PAAF1: variants seen among roughly 807,000 people sequenced by gnomAD.
PAAF1 encodes the protein proteasomal ATPase associated factor 1.
A neutral mutation model predicts 52.8 loss-of-function variants in PAAF1; 46 were observed. That is an observed-to-expected ratio of 0.87 (90% CI 0.69 to 1.11). The LOEUF is 1.11. Ranked by LOEUF, PAAF1 falls within the 50% of genes most tolerant of loss-of-function variation. The probability of loss-of-function intolerance (pLI) is 0.00; values close to 1 mark genes in which losing one functional copy is unlikely to be tolerated. For missense variants in PAAF1, 424 were observed against 477.4 expected (o/e 0.89, Z 1.04); for synonymous variants, 178 against 172.8 (o/e 1.03, Z -0.24).
chr11:73,882,431 T>TA (rs1948940549), intron 2 of PAAF1, among the ~76,000 whole-genome samples: 1 of 151,218 alleles, frequency 6.6e-6, no homozygotes, highest in Non-Finnish European at 1.5e-5. Flanking sequence ...TTATTTTTAT[T>TA]TTTATTATTT....
intron 7 of PAAF1, among the ~76,000 whole-genome samples, chr11:73,913,437 A>G (rs1949985273): frequency 6.6e-6 from 1 of 152,214 alleles, no homozygotes; most frequent in Non-Finnish European, 1.5e-5. Flanking sequence ...TCTATAAAAA[A>G]TATTTTAAAA....
In PAAF1 at chr11:73,909,344, C is replaced by G. The variant is rs550748404; in HGVS notation, c.533-55C>G. ...ATTTATGCAGCTCCATCTTCTCTGCCCTTGTAGTTCCTTTACTCCATCCTC... is the reference window on the plus strand; with the variant it reads ...ATTTATGCAGCTCCATCTTCTCTGCGCTTGTAGTTCCTTTACTCCATCCTC... On this transcript the variant is annotated intron_variant, in intron 6 of 11. Transcript: ENST00000310571. 10 of 1,528,216 alleles carry G rather than the reference C, an allele frequency of 6.5e-6. No homozygotes were observed. The South Asian group carries it at 6.9e-5, about 11-fold the overall frequency. The allele number at this position is 1,528,216 out of a possible 1,614,324, so 94.7% of individuals were successfully genotyped here.
At chr11:73,893,289 C>T (rs1949247117) in intron 4 of PAAF1, among the ~76,000 whole-genome samples, 1 of 152,150 alleles carries the variant, frequency 6.6e-6, no homozygotes, top group Admixed American at 6.5e-5. Flanking sequence ...TCAATTGTTG[C>T]TCTTCATTTC....
At chr11:73,896,600 A>G (rs890766384) in intron 4 of PAAF1, among the ~76,000 whole-genome samples, 5 of 151,666 alleles carry the variant, frequency 3.3e-5, no homozygotes, top group Non-Finnish European at 5.9e-5. Flanking sequence ...TGTTTCAGAG[A>G]GCACAGGGTT....
At position 73,889,348 on chromosome 11, in the gene PAAF1, T is replaced by C. The variant is rs983289082; in HGVS notation, c.193-1764T>C. 1.1e-5 allele frequency: 7 copies of C among 663,310 alleles called. No homozygotes were observed. In the African/African-American group the frequency reaches 1.1e-4, roughly 11 times the overall value. The allele number at this position is 663,310 out of a possible 1,614,324, so 41.1% of individuals were successfully genotyped here. On this transcript the variant is annotated intron_variant, in intron 3 of 11. Transcript: ENST00000310571. ...TTCTCTTAAACAGTAGATCTGTCATTATGCTTAAATGTCTAACCCTGGAGC... is the reference window on the plus strand; with the variant it reads ...TTCTCTTAAACAGTAGATCTGTCATCATGCTTAAATGTCTAACCCTGGAGC...
chr11:73,880,302 A>G (rs1286021308), intron 2 of PAAF1: 3 of 152,078 alleles, frequency 2.0e-5, no homozygotes, highest in Non-Finnish European at 2.9e-5. Flanking sequence ...ACAAATATAT[A>G]TATATACACA....
At chr11:73,881,380 G>C (rs1948902267) in intron 2 of PAAF1, among the ~76,000 whole-genome samples, 1 of 152,282 alleles carries the variant, frequency 6.6e-6, no homozygotes, top group East Asian at 1.9e-4. Context: ...TCCAGTCCTA[G>C]GTTCAAGGGA....
chr11:73,898,997 A>G (rs1010418219), intron 4 of PAAF1, 149 bp from the exon 5 acceptor site: 2 of 580,782 alleles, frequency 3.4e-6, no homozygotes, highest in Non-Finnish European at 3.0e-6. Context: ...TGATAACTCA[A>G]CCTTTACATC....
chr11:73,889,135 G>GT, intron 3 of PAAF1: 1 of 1,446,122 alleles, frequency 6.9e-7, no homozygotes. Flanking sequence ...TTTTGGCACA[G>GT]CCTGGGTGCT....
chr11:73,903,932 A>T (rs946827259), intron 6 of PAAF1, among the ~76,000 whole-genome samples: 1 of 151,210 alleles, frequency 6.6e-6, no homozygotes, highest in African/African-American at 2.4e-5. Context: ...AAAAATACAA[A>T]AATTAGCCAG....
At chr11:73,915,755 T>C (rs79864559) in intron 8 of PAAF1, among the ~76,000 whole-genome samples, 1,591 of 152,344 alleles carry the variant, frequency 0.01, 31 homozygotes, top group African/African-American at 0.035. Context: ...TTTTTAAAAT[T>C]TCCTTCTAGC....
chr11:73,882,641 T>C (rs1948948552), intron 2 of PAAF1, among the ~76,000 whole-genome samples: 1 of 151,126 alleles, frequency 6.6e-6, no homozygotes, highest in African/African-American at 2.4e-5. Context: ...CTCGCTCTGT[T>C]GCCCAGGCTG....
chr11:73,897,896 G>A (rs1208107883), intron 4 of PAAF1, among the ~76,000 whole-genome samples: 1 of 151,970 alleles, frequency 6.6e-6, no homozygotes, highest in Non-Finnish European at 1.5e-5. Context: ...GGGCACCATT[G>A]AGCACTGAGT....
chr11:73,904,417 G>A (rs918161731), intron 6 of PAAF1, among the ~76,000 whole-genome samples: 23 of 152,186 alleles, frequency 1.5e-4, no homozygotes, highest in African/African-American at 5.5e-4. Flanking sequence ...CATAATCAGT[G>A]AAACATTGAG....
Position 73,927,383 on chromosome 11 carries a change from C to G in PAAF1, c.*21C>G. On this transcript the variant is annotated 3_prime_UTR_variant, in exon 12 of 12. Transcript: ENST00000310571. The stretch of plus-strand genomic sequence containing the variant: ...TCTGACTTCTTGGAAAGAGCAGTCC[C>G]GGTTAGTGAAAAGGTTTGACCCTGA... The G allele has an allele frequency of 1.3e-6, 2 of 1,599,922 alleles. No homozygotes were observed. Among genetic ancestry groups the G allele is most frequent in the Middle Eastern group, 1.8e-4 (1 of 5,590 alleles).
In PAAF1 at chr11:73,896,714, G is replaced by A. The variant is rs542315651; in HGVS notation, c.283-2432G>A. Among the ~76,000 whole-genome samples the A allele has an allele frequency of 1.7e-4, 26 of 152,258 alleles. No individual in the cohort carries two copies. In the East Asian group the frequency reaches 2.5e-3, roughly 15 times the overall value. ...TGTCTACCTCTTTCTACACAGACAC[G>A]GCAACCATCCGATTCTCAATCTTTT... On this transcript the variant is annotated intron_variant, in intron 4 of 11. Coordinates refer to ENST00000310571, the MANE Select transcript of PAAF1 (RefSeq NM_025155.3).
intron 3 of PAAF1, among the ~76,000 whole-genome samples, chr11:73,887,799 G>T (rs1949101489): frequency 6.6e-6 from 1 of 152,128 alleles, no homozygotes; most frequent in Non-Finnish European, 1.5e-5. Flanking sequence ...GCCCAGGCTG[G>T]AGTGCAATGG....
intron 3 of PAAF1, among the ~76,000 whole-genome samples, chr11:73,890,116 G>C (rs1252041705): frequency 6.6e-6 from 1 of 152,196 alleles, no homozygotes; most frequent in African/African-American, 2.4e-5. Context: ...CTGCAGAAGA[G>C]ATAAAAGGTT....
At chr11:73,898,463 G>T (rs554569252) in intron 4 of PAAF1, among the ~76,000 whole-genome samples, 209 of 152,154 alleles carry the variant, frequency 1.4e-3, no homozygotes, top group African/African-American at 4.8e-3. Context: ...TAATCTTCCT[G>T]CCTTGGCCTC....
Sources: gnomAD v4.1 joint callset for allele counts (sites outside exome capture counted in the v4.1 genomes callset) on GRCh38, gnomAD v4.1.1 for gene constraint, MANE v1.5 for transcripts, NCBI Gene and HGNC (gene_info 2026-07-23, HGNC 2026-07-21) for gene names.